The following LPP variants were observed in gnomAD, a reference collection of about 807,000 sequenced individuals.
LPP encodes lipoma-preferred partner.
In LPP, 38 loss-of-function variants were observed where a neutral mutation model predicts 60.4. The observed-to-expected ratio is 0.63, with a 90% CI of 0.49 to 0.83. The LOEUF (loss-of-function observed/expected upper bound fraction) is 0.83, where lower values mean the gene tolerates loss of function less well. Among genes scored for constraint, LPP ranks in the 40% least tolerant of loss-of-function variants. The pLI, the probability that LPP is intolerant of heterozygous loss-of-function variation, is 0.00. For synonymous variants in LPP, 328 were observed against 290.8 expected, an observed-to-expected ratio of 1.13 and a Z score of -1.30; for missense variants, 902 against 783.6, an observed-to-expected ratio of 1.15 and a Z score of -1.80.
At chr3:188,274,702 G>T (rs533453027) in intron 2 of LPP, among the ~76,000 whole-genome samples, 2 of 152,300 alleles carry the variant, frequency 1.3e-5, no homozygotes, top group African/African-American at 4.8e-5. Context: ...TGCTTCATGT[G>T]TAATAAATAA....
chr3:188,753,892 A>G (rs182126795), intron 8 of LPP, among the ~76,000 whole-genome samples: 4 of 152,248 alleles, frequency 2.6e-5, no homozygotes, highest in South Asian at 2.1e-4. Flanking sequence ...GCCTCTCTAT[A>G]GAATCAGATA....
chr3:188,391,986 CT>C (rs1779801958), intron 3 of LPP, among the ~76,000 whole-genome samples: 1 of 152,160 alleles, frequency 6.6e-6, no homozygotes, highest in African/African-American at 2.4e-5. Flanking sequence ...GGCAGAATTT[CT>C]TTTGCAATCA....
chr3:188,247,172 C>T, intron 2 of LPP: 1 of 984,690 alleles, frequency 1.0e-6, no homozygotes, highest in Non-Finnish European at 1.2e-6. Context: ...TCCAGAAGAC[C>T]TCTGGAGAAT....
At chr3:188,376,373 A>T (rs184210929) in intron 3 of LPP, among the ~76,000 whole-genome samples, 1,695 of 152,212 alleles carry the variant, frequency 0.011, 26 homozygotes, top group African/African-American at 0.037. Flanking sequence ...GACTTGCTTT[A>T]TGAATCTGGG....
chr3:188,250,418 A>T (rs1728717743), intron 2 of LPP, among the ~76,000 whole-genome samples: 1 of 152,184 alleles, frequency 6.6e-6, no homozygotes. Flanking sequence ...GTCATTGGGG[A>T]TGTTAATTTT....
intron 8 of LPP, chr3:188,712,171 G>A (rs1411789920): frequency 6.6e-6 from 1 of 152,196 alleles, no homozygotes; most frequent in African/African-American, 2.4e-5. Context: ...TGTGGATAGT[G>A]GTTAAAAACA....
chr3:188,244,850 A>G (rs1215707995), intron 2 of LPP, among the ~76,000 whole-genome samples: 2 of 152,134 alleles, frequency 1.3e-5, no homozygotes, highest in Non-Finnish European at 2.9e-5. Flanking sequence ...TCATTTCTGA[A>G]GCCTCAGCAT....
intron 2 of LPP, among the ~76,000 whole-genome samples, chr3:188,233,754 T>C (rs960673048): frequency 1.3e-5 from 2 of 152,208 alleles, no homozygotes; most frequent in Non-Finnish European, 1.5e-5. Flanking sequence ...TCTTTTACCA[T>C]TTATTACACT....
intron 3 of LPP, among the ~76,000 whole-genome samples, chr3:188,348,205 G>C (rs982265364): frequency 6.6e-6 from 1 of 151,568 alleles, no homozygotes; most frequent in Admixed American, 6.6e-5. Flanking sequence ...GGAGTGCACC[G>C]GCATGACCTT....
Position 188,287,041 on chromosome 3 carries a change from C to T in LPP, c.-66-54622C>T, listed in dbSNP as rs528056289. Among the ~76,000 whole-genome samples the T allele has an allele frequency of 3.9e-5, 6 of 152,284 alleles. No individual in the cohort carries two copies. The East Asian group carries it at 1.2e-3, about 29-fold the overall frequency. ...TCAGCCTCCCAAGTAGCTGGGATTA[C>T]AGGCACCCATCACCACACCTGGCTA... On this transcript the variant is annotated intron_variant, in intron 2 of 11. Transcript: ENST00000617246.
chr3:188,345,622 G>A (rs1439187261), intron 3 of LPP, among the ~76,000 whole-genome samples: 2 of 152,224 alleles, frequency 1.3e-5, no homozygotes, highest in Non-Finnish European at 2.9e-5. Flanking sequence ...AGCATTAATA[G>A]CAGTGTCTCT....
chr3:188,481,244 T>C (rs1435829018), intron 4 of LPP, among the ~76,000 whole-genome samples: 1 of 152,206 alleles, frequency 6.6e-6, no homozygotes, highest in Non-Finnish European at 1.5e-5. Context: ...TGTATCTGTT[T>C]TTGAGACATT....
chr3:188,318,753 CTTTTTTTTTTTTT>C (rs10708836), intron 2 of LPP, among the ~76,000 whole-genome samples: 6 of 96,890 alleles, frequency 6.2e-5, no homozygotes, highest in African/African-American at 9.8e-5. Context: ...AATTATGATT[CTTTTTTTTTTTTT>C]TTTTTTTTTT....
intron 9 of LPP, among the ~76,000 whole-genome samples, chr3:188,845,059 G>A (rs1314338566): frequency 2.0e-5 from 3 of 152,326 alleles, no homozygotes; most frequent in Admixed American, 1.3e-4. Flanking sequence ...CCAAAATGAA[G>A]TGTGAAAGGT....
intron 1 of LPP, among the ~76,000 whole-genome samples, chr3:188,172,703 G>T (rs76974331): frequency 1.3e-5 from 2 of 152,054 alleles, no homozygotes; most frequent in African/African-American, 2.4e-5. Flanking sequence ...ACTATGGAAC[G>T]TTTGTCAAAA....
At chr3:188,170,837 C>A (rs910707766) in intron 1 of LPP, among the ~76,000 whole-genome samples, 1 of 152,122 alleles carries the variant, frequency 6.6e-6, no homozygotes, top group East Asian at 1.9e-4. Context: ...CCTGGAAAGA[C>A]ATCTACTTCA....
intron 5 of LPP, among the ~76,000 whole-genome samples, chr3:188,515,105 C>T (rs9879731): frequency 0.93 from 141,816 of 152,266 alleles, 66,374 homozygotes; most frequent in East Asian, 1. Context: ...GGCTTGGATG[C>T]TTTTTCCCTC....
chr3:188,425,244 T>C (rs1788975293), intron 4 of LPP, among the ~76,000 whole-genome samples: 1 of 152,118 alleles, frequency 6.6e-6, no homozygotes, highest in Non-Finnish European at 1.5e-5. Flanking sequence ...TGATGCATTA[T>C]GTTTATTGAT....
chr3:188,335,326 G>T (rs1011530646), intron 2 of LPP, among the ~76,000 whole-genome samples: 1 of 152,164 alleles, frequency 6.6e-6, no homozygotes. Context: ...TTGAGGTAAT[G>T]TATCACGTTT....
Sources: allele counts gnomAD v4.1 joint callset (sites outside exome capture counted in the v4.1 genomes callset), GRCh38; gene constraint gnomAD v4.1.1; transcripts MANE v1.5; gene names NCBI Gene and HGNC (gene_info 2026-07-23, HGNC 2026-07-21).